Variants in CXADR observed in about 807,000 individuals in gnomAD.
CXADR encodes coxsackievirus and adenovirus receptor.
CXADR carries 20 observed loss-of-function variants against 40.3 expected under a neutral mutation model. The ratio of observed to expected loss-of-function variants is 0.50; its 90% confidence interval spans 0.35 to 0.72. The LOEUF is 0.72. CXADR is among the 30% of genes least tolerant of loss of function. The pLI, the probability that CXADR is intolerant of heterozygous loss-of-function variation, is 0.01. For synonymous variants in CXADR, 150 were observed against 161.3 expected (o/e 0.93, Z 0.53); for missense variants, 332 against 449.1 (o/e 0.74, Z 2.36).
the CXADR span, among the ~76,000 whole-genome samples, chr21:17,616,687 A>G: frequency 6.6e-6 from 1 of 152,162 alleles, no homozygotes; most frequent in African/African-American, 2.4e-5. Context: ...GTTACATAGC[A>G]TATGTTACAT....
chr21:17,557,338 C>T (rs944323670), intron 3 of CXADR, among the ~76,000 whole-genome samples: 1 of 152,194 alleles, frequency 6.6e-6, no homozygotes, highest in East Asian at 1.9e-4. Context: ...TAAATGGCCC[C>T]ACCTCCTCAC....
chr21:17,635,601 G>A, the CXADR span, among the ~76,000 whole-genome samples: 1 of 152,068 alleles, frequency 6.6e-6, no homozygotes, highest in Non-Finnish European at 1.5e-5. Context: ...AAATCAAAAA[G>A]TTTTTGAGCT....
chr21:17,632,424 G>C, the CXADR span, among the ~76,000 whole-genome samples: 1 of 152,194 alleles, frequency 6.6e-6, no homozygotes, highest in African/African-American at 2.4e-5. Flanking sequence ...AAAAAGAACA[G>C]ATAAGGAAAG....
chr21:17,540,393 A>G (rs2060812327), intron 1 of CXADR, among the ~76,000 whole-genome samples: 2 of 152,240 alleles, frequency 1.3e-5, no homozygotes, highest in South Asian at 4.1e-4. Flanking sequence ...TGAAAGACCT[A>G]ATTTCATTCG....
Position 17,542,165 on chromosome 21 carries a change from G to A in CXADR, c.44-4862G>A, listed in dbSNP as rs1461312439. 6.3e-5 allele frequency: 12 copies of A among 190,342 alleles called. No homozygotes were observed. In the South Asian group the frequency reaches 9.9e-4, roughly 16 times the overall value. 11.8% of individuals were successfully genotyped at this position (190,342 alleles called of 1,614,324 possible). A position where few individuals can be genotyped will look rare whatever the true frequency, so the allele number is the denominator to read the frequency against. ...TCAAAACATTATTAAAAATTCTCATGTTTACTTCTCTTTTTAAAAAACTAG... is the reference window on the plus strand; with the variant it reads ...TCAAAACATTATTAAAAATTCTCATATTTACTTCTCTTTTTAAAAAACTAG... On this transcript the variant is annotated intron_variant, in intron 1 of 6. Coordinates refer to ENST00000284878, the MANE Select transcript of CXADR (RefSeq NM_001338.5).
intron 3 of CXADR, 48 bp downstream of exon 3, chr21:17,552,001 T>G: frequency 7.2e-7 from 1 of 1,388,182 alleles, no homozygotes; most frequent in Non-Finnish European, 1.0e-6. Flanking sequence ...AAGAGAATGA[T>G]TAGTCATAGT....
chr21:17,561,508 A>G, intron 6 of CXADR, 32 bp downstream of exon 6: 1 of 1,565,974 alleles, frequency 6.4e-7, no homozygotes, highest in Non-Finnish European at 8.7e-7. Context: ...TGACTGATGT[A>G]TACCAAATAT....
chr21:17,541,579 A>AC (rs1003133114), intron 1 of CXADR, among the ~76,000 whole-genome samples: 7 of 144,594 alleles, frequency 4.8e-5, no homozygotes, highest in Non-Finnish European at 7.5e-5. Context: ...CCTATGTTCC[A>AC]CCTATTCTCC....
At chr21:17,606,320 G>A in the CXADR span, among the ~76,000 whole-genome samples, 1,266 of 152,194 alleles carry the variant, frequency 8.3e-3, 25 homozygotes, top group African/African-American at 0.029. Flanking sequence ...AGACTCCAAA[G>A]AGCAAGTTAT....
chr21:17,535,279 A>G (rs905017565), intron 1 of CXADR, among the ~76,000 whole-genome samples: 1 of 152,080 alleles, frequency 6.6e-6, no homozygotes, highest in Non-Finnish European at 1.5e-5. Context: ...GGCGTGCACT[A>G]CCACACCTGG....
chr21:17,527,033 C>T (rs1275313526), intron 1 of CXADR: 1 of 152,132 alleles, frequency 6.6e-6, no homozygotes, highest in African/African-American at 2.4e-5. Context: ...ATGCAAAATA[C>T]CCTATTTGCA....
chr21:17,593,771 T>G (rs2824386), downstream of CXADR: 1,637 of 223,606 alleles, frequency 7.3e-3, 98 homozygotes, highest in East Asian at 0.12. Flanking sequence ...TAAAGTAAAT[T>G]CTCAAAGGTG....
chr21:17,563,377 A>G (rs1265492849), intron 6 of CXADR, among the ~76,000 whole-genome samples: 7 of 151,810 alleles, frequency 4.6e-5, no homozygotes, highest in Non-Finnish European at 2.9e-5. Flanking sequence ...CCTAATTTCA[A>G]TATCATTGTG....
intron 7 of CXADR, among the ~76,000 whole-genome samples, chr21:17,575,567 T>A (rs1730846814): frequency 6.7e-6 from 1 of 148,804 alleles, no homozygotes; most frequent in Non-Finnish European, 1.5e-5. Context: ...CTCTGCTCAC[T>A]GCAAGCTCCG....
chr21:17,594,070 C>T, downstream of CXADR: 3 of 1,608,824 alleles, frequency 1.9e-6, no homozygotes, highest in Non-Finnish European at 2.5e-6. Flanking sequence ...CTCAACATGA[C>T]ACCAACACAA....
chr21:17,566,408 T>G lies in CXADR; in HGVS notation c.*716T>G, dbSNP rs1649593087. On this transcript the variant is annotated 3_prime_UTR_variant, in exon 7 of 7. Transcript: ENST00000284878. ...TATCAGATTAAGTTAGAACATTTGCTGTCAGCCACATATTGAGATGACACT... is the reference window on the plus strand; with the variant it reads ...TATCAGATTAAGTTAGAACATTTGCGGTCAGCCACATATTGAGATGACACT... The G allele has an allele frequency of 3.0e-6, 3 of 985,450 alleles. No homozygotes were observed. The highest frequency in any genetic ancestry group is 3.6e-6 in the Non-Finnish European group (3 of 829,938). The allele number at this position is 985,450 out of a possible 1,614,324, so 61.0% of individuals were successfully genotyped here. A position where few individuals can be genotyped will look rare whatever the true frequency, so the allele number is the denominator to read the frequency against.
chr21:17,594,349 A>C, downstream of CXADR: 3 of 1,599,126 alleles, frequency 1.9e-6, no homozygotes, highest in Non-Finnish European at 2.6e-6. Context: ...GGAAGAGAAC[A>C]CATTAAGTTA....
chr21:17,534,019 T>TATATATAGCTATATAAATATATATACAC (rs1356079376), intron 1 of CXADR, among the ~76,000 whole-genome samples: 1 of 81,400 alleles, frequency 1.2e-5, no homozygotes, highest in Non-Finnish European at 2.7e-5. Context: ...TATATATATA[T>TATATATAGCTATATAAATATATATACAC]ATATATATAG....
Position 17,569,285 on chromosome 21 carries a change from G to T in CXADR, c.*3593G>T. 1.0e-6 allele frequency: 1 copy of T among 985,252 alleles called. No homozygotes were observed. The highest frequency in any genetic ancestry group is 1.2e-6 in the Non-Finnish European group (1 of 829,894). The allele number at this position is 985,252 out of a possible 1,614,324, so 61.0% of individuals were successfully genotyped here. A position where few individuals can be genotyped will look rare whatever the true frequency, so the allele number is the denominator to read the frequency against. ...AAAGTTCATATTTTATGTGGTTAAT[G>T]CTTTGATGTGTCACATAAAGAGTAG... On this transcript the variant is annotated 3_prime_UTR_variant, in exon 7 of 7. Coordinates refer to ENST00000284878, the MANE Select transcript of CXADR (RefSeq NM_001338.5).
Sources: allele counts gnomAD v4.1 joint callset (sites outside exome capture counted in the v4.1 genomes callset), GRCh38; gene constraint gnomAD v4.1.1; transcripts MANE v1.5; gene names NCBI Gene and HGNC (gene_info 2026-07-23, HGNC 2026-07-21).